Variants in TBC1D5 observed in about 807,000 individuals in gnomAD.
The protein encoded by TBC1D5 is TBC1 domain family member 5.
A neutral mutation model predicts 100.3 loss-of-function variants in TBC1D5; 75 were observed. That is an observed-to-expected ratio of 0.75 (90% CI 0.62 to 0.91). The LOEUF is 0.91. Among genes scored for constraint, TBC1D5 ranks in the 40% least tolerant of loss-of-function variants. The probability of loss-of-function intolerance (pLI) is 0.00; values close to 1 mark genes in which losing one functional copy is unlikely to be tolerated. For synonymous variants in TBC1D5, 323 were observed against 325.6 expected, an observed-to-expected ratio of 0.99 and a Z score of 0.09; for missense variants, 910 against 942.4, an observed-to-expected ratio of 0.97 and a Z score of 0.45.
chr3:17,668,706 A>G (rs1202849168), intron 1 of TBC1D5, among the ~76,000 whole-genome samples: 2 of 152,070 alleles, frequency 1.3e-5, no homozygotes, highest in Admixed American at 6.5e-5. Context: ...TAAACTGGAC[A>G]TTTCACATAA....
At position 17,259,611 on chromosome 3, in the gene TBC1D5, C is replaced by A. The variant is rs191494392; in HGVS notation, c.1246-1020G>T. Among the ~76,000 whole-genome samples, 4 of 150,014 alleles carry A rather than the reference C, an allele frequency of 2.7e-5. No individual in the cohort carries two copies. The Admixed American group carries it at 2.7e-4, about 10-fold the overall frequency. Reference sequence around the variant, plus strand: ...TTCCTTTGAGATACATATCTGGACACGGAAAAGCTGCATATTATCTTAATA... The same window carrying A: ...TTCCTTTGAGATACATATCTGGACAAGGAAAAGCTGCATATTATCTTAATA... On this transcript the variant is annotated intron_variant, in intron 15 of 21. Transcript: ENST00000253692.
chr3:17,227,143 C>T (rs1168675060), intron 17 of TBC1D5, among the ~76,000 whole-genome samples: 2 of 152,132 alleles, frequency 1.3e-5, no homozygotes, highest in East Asian at 3.9e-4. Flanking sequence ...AACAACAGCA[C>T]TTTGTGTGCG....
intron 13 of TBC1D5, among the ~76,000 whole-genome samples, chr3:17,355,471 G>A (rs2091126146): frequency 6.6e-6 from 1 of 152,016 alleles, no homozygotes; most frequent in South Asian, 2.1e-4. Flanking sequence ...ATCTCAGCCT[G>A]GATTTCCTCT....
chr3:17,524,350 G>A (rs1201763694), intron 2 of TBC1D5, among the ~76,000 whole-genome samples: 2 of 152,138 alleles, frequency 1.3e-5, no homozygotes, highest in African/African-American at 4.8e-5. Flanking sequence ...GCAAGTTTAG[G>A]AAGGCAATAA....
At chr3:17,382,960 T>C (rs2093009631) in intron 9 of TBC1D5, among the ~76,000 whole-genome samples, 3 of 152,092 alleles carry the variant, frequency 2.0e-5, no homozygotes, top group African/African-American at 7.2e-5. Flanking sequence ...ATATTTTTCA[T>C]TTCCAATTCT....
At position 17,665,243 on chromosome 3, in the gene TBC1D5, C is replaced by A. The variant is rs561874961; in HGVS notation, c.-100-41330G>T. On this transcript the variant is annotated intron_variant, in intron 1 of 21. Coordinates refer to ENST00000253692, the Ensembl canonical transcript of TBC1D5. ...GCCTCCTACTTAACCTAGAAAGGGG[C>A]CTAGTAAGGCCCCAGGCAATGAAAA... is the stretch of plus-strand genomic sequence containing the variant. 2.6e-5 allele frequency among the ~76,000 whole-genome samples: 4 copies of A among 152,162 alleles called. No individual in the cohort carries two copies. In the South Asian group the frequency reaches 8.3e-4, roughly 32 times the overall value.
chr3:17,355,999 T>C (rs1026590630), intron 13 of TBC1D5, among the ~76,000 whole-genome samples: 1 of 152,152 alleles, frequency 6.6e-6, no homozygotes, highest in Non-Finnish European at 1.5e-5. Flanking sequence ...CTTGTTACAA[T>C]GACCATGCTT....
chr3:17,398,146 T>C (rs1299437740), intron 8 of TBC1D5, among the ~76,000 whole-genome samples: 3 of 152,124 alleles, frequency 2.0e-5, no homozygotes, highest in African/African-American at 4.8e-5. Context: ...ATGGCAACAT[T>C]TGTTCAGAAT....
intron 1 of TBC1D5, among the ~76,000 whole-genome samples, chr3:17,727,189 T>G (rs2076197610): frequency 6.6e-6 from 1 of 152,146 alleles, no homozygotes. Flanking sequence ...GAGACCAGCC[T>G]GGCCAAAATG....
At chr3:17,473,343 C>A (rs2095402719) in intron 3 of TBC1D5, among the ~76,000 whole-genome samples, 1 of 152,126 alleles carries the variant, frequency 6.6e-6, no homozygotes, top group Admixed American at 6.5e-5. Flanking sequence ...ATGTCCCTAA[C>A]ATACCATTTT....
intron 2 of TBC1D5, among the ~76,000 whole-genome samples, chr3:17,617,125 T>C (rs2062236714): frequency 6.6e-6 from 1 of 152,194 alleles, no homozygotes; most frequent in South Asian, 2.1e-4. Flanking sequence ...TGTGAAGGAT[T>C]TTATTTCTCC....
At chr3:17,382,856 C>T (rs2093004420) in intron 9 of TBC1D5, among the ~76,000 whole-genome samples, 1 of 152,060 alleles carries the variant, frequency 6.6e-6, no homozygotes, top group African/African-American at 2.4e-5. Flanking sequence ...GCCACTGCAC[C>T]TGGCCTATAG....
intron 1 of TBC1D5, among the ~76,000 whole-genome samples, chr3:17,677,229 GA>G (rs1335972112): frequency 1.3e-5 from 2 of 151,858 alleles, no homozygotes; most frequent in Non-Finnish European, 2.9e-5. Flanking sequence ...TATAGAATGG[GA>G]AAAAATTTTT....
intron 2 of TBC1D5, among the ~76,000 whole-genome samples, chr3:17,573,377 A>G (rs1360700226): frequency 1.3e-5 from 2 of 152,086 alleles, no homozygotes; most frequent in Non-Finnish European, 2.9e-5. Context: ...TAAATTTCAC[A>G]TAAGTGTTCT....
intron 14 of TBC1D5, among the ~76,000 whole-genome samples, chr3:17,295,614 C>T (rs1046127133): frequency 2.0e-5 from 3 of 152,188 alleles, no homozygotes; most frequent in African/African-American, 7.2e-5. Flanking sequence ...CAATAACTTA[C>T]ACATAATTCA....
chr3:17,546,898 A>C (rs1165808548), intron 2 of TBC1D5: 2 of 152,226 alleles, frequency 1.3e-5, no homozygotes, highest in Non-Finnish European at 2.9e-5. Context: ...AATGTGCAAA[A>C]TAATATTTCT....
chr3:17,591,246 AAAAAAAAAAAAAAAAAAAAAC>A (rs1379607861), intron 2 of TBC1D5, among the ~76,000 whole-genome samples: 67 of 127,748 alleles, frequency 5.2e-4, no homozygotes, highest in African/African-American at 1.8e-3. Flanking sequence ...AAAAAAAAAA[AAAAAAAAAAAAAAAAAAAAAC>A]AAAAACCCCA....
At chr3:17,689,518 C>CAAAAAAA (rs373476990) in intron 1 of TBC1D5, among the ~76,000 whole-genome samples, 1 of 55,060 alleles carries the variant, frequency 1.8e-5, no homozygotes, top group African/African-American at 7.1e-5. Context: ...GACCCTGTCT[C>CAAAAAAA]AAAAAAAAAA....
chr3:17,515,543 G>A (rs753895567), intron 2 of TBC1D5, among the ~76,000 whole-genome samples: 9 of 152,150 alleles, frequency 5.9e-5, no homozygotes, highest in Admixed American at 2.0e-4. Context: ...CCACAAAGAA[G>A]TTATGTGACT....
Sources: allele counts gnomAD v4.1 joint callset (sites outside exome capture counted in the v4.1 genomes callset), GRCh38; gene constraint gnomAD v4.1.1; transcripts MANE v1.5; gene names NCBI Gene and HGNC (gene_info 2026-07-23, HGNC 2026-07-21).